Variants in MLLT10 observed in about 807,000 individuals in gnomAD.
MLLT10 encodes protein AF-10.
In MLLT10, 30 loss-of-function variants were observed where a neutral mutation model predicts 129.1. The ratio of observed to expected loss-of-function variants is 0.23; its 90% confidence interval spans 0.17 to 0.32. The LOEUF (loss-of-function observed/expected upper bound fraction) is 0.32, where lower values mean the gene tolerates loss of function less well. MLLT10 is among the 10% of genes least tolerant of loss of function. The pLI is 1.00. For missense variants in MLLT10, 1,119 were observed against 1,268.3 expected, an observed-to-expected ratio of 0.88 and a Z score of 1.79; for synonymous variants, 490 against 446.4, an observed-to-expected ratio of 1.10 and a Z score of -1.23.
At chr10:21,708,473 G>A in intron 13 of MLLT10, 1 of 708,976 alleles carries the variant, frequency 1.4e-6, no homozygotes, top group African/African-American at 1.9e-5. Context: ...GGAAGTTGAA[G>A]GGAATACATT....
At chr10:21,708,564 GT>G (rs1302412849) in intron 13 of MLLT10, 35 of 982,848 alleles carry the variant, frequency 3.6e-5, no homozygotes, top group Non-Finnish European at 3.9e-5. Context: ...TGTTTTTTTT[GT>G]GTGTGTGTTT....
intron 15 of MLLT10, among the ~76,000 whole-genome samples, chr10:21,727,351 T>C (rs2057594519): frequency 6.6e-6 from 1 of 152,162 alleles, no homozygotes; most frequent in South Asian, 2.1e-4. Context: ...ATTTAGTGTT[T>C]TATGTAATTT....
intron 16 of MLLT10, among the ~76,000 whole-genome samples, chr10:21,728,866 ATTTT>A (rs201564671): frequency 9.3e-5 from 13 of 139,170 alleles, no homozygotes; most frequent in African/African-American, 2.9e-4. Context: ...CATGTCTACA[ATTTT>A]TTTTTTTTTT....
At chr10:21,673,050 G>T (rs1408683937) in intron 10 of MLLT10, among the ~76,000 whole-genome samples, 2 of 152,004 alleles carry the variant, frequency 1.3e-5, no homozygotes, top group Non-Finnish European at 2.9e-5. Context: ...ATGTTGCTGT[G>T]GCAAAAGGTA....
intron 14 of MLLT10, among the ~76,000 whole-genome samples, chr10:21,723,841 G>T (rs2057298605): frequency 6.6e-6 from 1 of 152,230 alleles, no homozygotes; most frequent in South Asian, 2.1e-4. Context: ...CTCTACAAAA[G>T]CTATTTTTAA....
chr10:21,570,982 A>G (rs540054959), intron 3 of MLLT10, among the ~76,000 whole-genome samples: 3 of 152,112 alleles, frequency 2.0e-5, no homozygotes, highest in African/African-American at 7.2e-5. Context: ...CTGTGGCATT[A>G]TTGAGTTGCT....
rs1407037127 is a variant in MLLT10 at position 21,670,635 on chromosome 10, A to AG, written c.986dup (p.Arg330LysfsTer17). On this transcript the variant is annotated frameshift_variant, in exon 10 of 23. Transcript: ENST00000307729. LOFTEE classifies it high-confidence loss of function. ...ATCTTCAGCTCACAGCTCAGGTCAA[A>AG]GGGGAAGAAAGCCTGGTGGTGGAAG... 1 of 1,614,184 alleles carries AG rather than the reference A, an allele frequency of 6.2e-7. No individual in the cohort carries two copies. The highest frequency in any genetic ancestry group is 1.7e-5 in the Admixed American group (1 of 60,016).
chr10:21,563,794 T>G (rs1338900949), intron 3 of MLLT10, among the ~76,000 whole-genome samples: 2 of 143,988 alleles, frequency 1.4e-5, no homozygotes, highest in African/African-American at 2.6e-5. Context: ...ACTGTGTGTA[T>G]TATTATTATT....
chr10:21,640,212 T>TTATATTA (rs199573101), intron 8 of MLLT10, among the ~76,000 whole-genome samples: 18 of 144,136 alleles, frequency 1.2e-4, no homozygotes, highest in South Asian at 2.1e-4. Flanking sequence ...ATATATTATA[T>TTATATTA]TATATTATAT....
chr10:21,605,152 C>G (rs1340069152), intron 5 of MLLT10, among the ~76,000 whole-genome samples: 1 of 151,832 alleles, frequency 6.6e-6, no homozygotes, highest in Non-Finnish European at 1.5e-5. Flanking sequence ...CCTAGTCTAC[C>G]TTAAACATGC....
At chr10:21,718,536 G>A (rs533591468) in intron 14 of MLLT10, among the ~76,000 whole-genome samples, 7 of 152,140 alleles carry the variant, frequency 4.6e-5, no homozygotes, top group African/African-American at 1.7e-4. Context: ...ATTGCATTCC[G>A]TTACATCCTA....
At chr10:21,705,261 G>C (rs1163470641) in intron 13 of MLLT10, among the ~76,000 whole-genome samples, 1 of 152,192 alleles carries the variant, frequency 6.6e-6, no homozygotes, top group African/African-American at 2.4e-5. Context: ...GGTGCCAGCT[G>C]TGGCAGTAGC....
intron 8 of MLLT10, among the ~76,000 whole-genome samples, chr10:21,641,681 T>C (rs966825069): frequency 6.6e-6 from 1 of 152,080 alleles, no homozygotes; most frequent in Non-Finnish European, 1.5e-5. Context: ...CCACAAGAAA[T>C]ATTATTTCCT....
chr10:21,628,629 A>T (rs2046698141), intron 8 of MLLT10, among the ~76,000 whole-genome samples: 1 of 149,004 alleles, frequency 6.7e-6, no homozygotes, highest in Non-Finnish European at 1.5e-5. Flanking sequence ...TTTAGTAGAG[A>T]TGGGGTTTTG....
chr10:21,553,524 G>A (rs1588891768), intron 3 of MLLT10, among the ~76,000 whole-genome samples: 1 of 150,966 alleles, frequency 6.6e-6, no homozygotes, highest in African/African-American at 2.4e-5. Flanking sequence ...TGGGGGTTTC[G>A]CCATATTGGC....
chr10:21,732,759 AAAACTTTATC>A, intron 17 of MLLT10, 130 bp from the exon 18 acceptor site: 1 of 700,614 alleles, frequency 1.4e-6, no homozygotes, highest in Non-Finnish European at 2.1e-6. Flanking sequence ...ATTTAGGAAC[AAAACTTTATC>A]ATTTAGAAAC....
chr10:21,673,993 A>G (rs1271137743), intron 11 of MLLT10, 74 bp downstream of exon 11: 6 of 1,162,740 alleles, frequency 5.2e-6, no homozygotes, highest in Non-Finnish European at 7.1e-6. Context: ...AACGTTTTCA[A>G]CTGTTGTTAC....
intron 8 of MLLT10, among the ~76,000 whole-genome samples, chr10:21,645,897 AAACTT>A (rs1393724148): frequency 5.3e-5 from 8 of 152,208 alleles, no homozygotes; most frequent in East Asian, 1.9e-4. Flanking sequence ...GTCTTGCACT[AAACTT>A]AAGTTAAAAA....
intron 3 of MLLT10, among the ~76,000 whole-genome samples, chr10:21,544,804 C>T (rs2035810708): frequency 6.6e-6 from 1 of 152,104 alleles, no homozygotes; most frequent in African/African-American, 2.4e-5. Context: ...CAAGTGAAGA[C>T]TAAAGAAAGA....
Sources: allele counts gnomAD v4.1 joint callset (sites outside exome capture counted in the v4.1 genomes callset), GRCh38; gene constraint gnomAD v4.1.1; transcripts MANE v1.5; gene names NCBI Gene and HGNC (gene_info 2026-07-23, HGNC 2026-07-21).